The following EXOC6B variants were observed in gnomAD, a reference collection of about 807,000 sequenced individuals.
EXOC6B encodes the protein exocyst complex component 6B, also known as SEC15 homolog B.
Under a neutral mutation model 113.5 loss-of-function variants are expected in EXOC6B, and 54 were observed. The ratio of observed to expected loss-of-function variants is 0.48; its 90% CI spans 0.38 to 0.60. EXOC6B has a LOEUF of 0.60. Among genes scored for constraint, EXOC6B ranks in the 20% least tolerant of loss-of-function variants. The pLI is 0.00. For synonymous variants in EXOC6B, 357 were observed against 339.0 expected (o/e 1.05, Z -0.58); for missense variants, 797 against 977.5 (o/e 0.82, Z 2.46).
At chr2:72,409,609 T>C (rs982181889) in intron 18 of EXOC6B, among the ~76,000 whole-genome samples, 1 of 149,894 alleles carries the variant, frequency 6.7e-6, no homozygotes, top group South Asian at 2.1e-4. Flanking sequence ...CAGCAAACTA[T>C]AGCAAGGACA....
intron 1 of EXOC6B, among the ~76,000 whole-genome samples, chr2:72,756,387 A>T (rs979130252): frequency 2.6e-5 from 4 of 152,184 alleles, no homozygotes; most frequent in Non-Finnish European, 5.9e-5. Flanking sequence ...TTATAACCTA[A>T]TCATGGTTCT....
At chr2:72,558,263 G>A (rs1703679419) in intron 8 of EXOC6B, among the ~76,000 whole-genome samples, 1 of 152,056 alleles carries the variant, frequency 6.6e-6, no homozygotes, top group Non-Finnish European at 1.5e-5. Context: ...ATTGTAGATT[G>A]AGAGAGAGGG....
chr2:72,628,512 C>T (rs533951599), intron 6 of EXOC6B, among the ~76,000 whole-genome samples: 11 of 151,880 alleles, frequency 7.2e-5, no homozygotes, highest in Non-Finnish European at 1.6e-4. Flanking sequence ...TGTTTGTGAC[C>T]CCTAAAATTC....
At chr2:72,483,437 T>C (rs1699221773) in intron 16 of EXOC6B, among the ~76,000 whole-genome samples, 1 of 152,172 alleles carries the variant, frequency 6.6e-6, no homozygotes, top group Non-Finnish European at 1.5e-5. Context: ...AAGAGAAAAT[T>C]ATCCTGTTTT....
intron 18 of EXOC6B, among the ~76,000 whole-genome samples, chr2:72,395,944 G>C (rs1692698950): frequency 6.6e-6 from 1 of 151,984 alleles, no homozygotes. Context: ...ATTGTCCATA[G>C]GTTAAGGGAA....
At position 72,626,269 on chromosome 2, in the gene EXOC6B, G is replaced by A. The variant is rs375596893; in HGVS notation, c.670-50601C>T. 1.6e-4 allele frequency among the ~76,000 whole-genome samples: 24 copies of A among 152,124 alleles called. 2 individuals carry two copies. Among genetic ancestry groups the A allele is most frequent in the African/African-American group, 5.1e-4 (21 of 41,508 alleles). On this transcript the variant is annotated intron_variant, in intron 6 of 21. Coordinates refer to ENST00000272427, the MANE Select transcript of EXOC6B (RefSeq NM_015189.3). The stretch of plus-strand genomic sequence containing the variant: ...TCATCTAGCTGTATTTAATCAAGAA[G>A]AGAAAAAACACTGTCTAACAAGATT...
At chr2:72,629,862 C>T (rs1672280761) in intron 6 of EXOC6B, among the ~76,000 whole-genome samples, 2 of 152,178 alleles carry the variant, frequency 1.3e-5, no homozygotes, top group East Asian at 1.9e-4. Context: ...CATGCCATCC[C>T]CAGAGCCCTG....
rs544776632 is a variant in EXOC6B, at chr2:72,583,870, G to A, written c.670-8202C>T. 3.3e-5 allele frequency among the ~76,000 whole-genome samples: 5 copies of A among 152,080 alleles called. No homozygotes were observed. The South Asian group carries it at 6.2e-4, about 19-fold the overall frequency. ...TGAGTAGCTGGGACTACAGGCGCAC[G>A]CTACCATACCCAGCTAATTTTTTGT... On this transcript the variant is annotated intron_variant, in intron 6 of 21. Coordinates refer to ENST00000272427, the MANE Select transcript of EXOC6B (RefSeq NM_015189.3).
At chr2:72,763,765 GAAGT>G (rs1355884783) in intron 1 of EXOC6B, among the ~76,000 whole-genome samples, 1 of 152,090 alleles carries the variant, frequency 6.6e-6, no homozygotes, top group African/African-American at 2.4e-5. Flanking sequence ...TAATTTTTGA[GAAGT>G]AAGCCCATAT....
chr2:72,530,203 T>C (rs980046882), intron 8 of EXOC6B, among the ~76,000 whole-genome samples: 2 of 152,344 alleles, frequency 1.3e-5, no homozygotes, highest in Middle Eastern at 6.8e-3. Flanking sequence ...TCCTAGGTTT[T>C]AGAGATGTCA....
chr2:72,496,764 A>G (rs941411038), intron 13 of EXOC6B, among the ~76,000 whole-genome samples: 5 of 152,008 alleles, frequency 3.3e-5, no homozygotes, highest in African/African-American at 1.2e-4. Flanking sequence ...GGATTTAAAG[A>G]AGACAAAAAG....
At chr2:72,233,759 C>T (rs755873727) in intron 20 of EXOC6B, among the ~76,000 whole-genome samples, 2 of 152,194 alleles carry the variant, frequency 1.3e-5, no homozygotes, top group Non-Finnish European at 2.9e-5. Flanking sequence ...TCTGGCCTAT[C>T]GGTCCTGCTT....
chr2:72,652,176 C>T (rs750162467), intron 6 of EXOC6B, among the ~76,000 whole-genome samples: 5 of 151,298 alleles, frequency 3.3e-5, no homozygotes, highest in African/African-American at 4.9e-5. Flanking sequence ...TTCCACCCTC[C>T]TCCCCACAAA....
chr2:72,449,891 C>G (rs986177869), intron 18 of EXOC6B, among the ~76,000 whole-genome samples: 2 of 152,176 alleles, frequency 1.3e-5, no homozygotes, highest in African/African-American at 2.4e-5. Flanking sequence ...CCCAGAGAAT[C>G]AGCTATTCTC....
intron 1 of EXOC6B, among the ~76,000 whole-genome samples, chr2:72,810,129 C>T (rs1349307273): frequency 1.3e-5 from 2 of 152,018 alleles, no homozygotes; most frequent in East Asian, 3.8e-4. Flanking sequence ...CTAAACAACA[C>T]TCTTTTAAAT....
chr2:72,699,957 G>C (rs1277190050), intron 6 of EXOC6B, among the ~76,000 whole-genome samples: 1 of 152,074 alleles, frequency 6.6e-6, no homozygotes, highest in African/African-American at 2.4e-5. Flanking sequence ...AGTATCTGTG[G>C]ATGCTCAAGT....
chr2:72,436,426 T>A lies in EXOC6B; in HGVS notation c.1980+28734A>T, dbSNP rs182365344. ...TCTTTGTGGTGTTCTCTGTATTTCC[T>A]GAATTTGAATGCTGGCCTGTCTTGC... On this transcript the variant is annotated intron_variant, in intron 18 of 21. Coordinates refer to ENST00000272427, the MANE Select transcript of EXOC6B (RefSeq NM_015189.3). Among the ~76,000 whole-genome samples the A allele has an allele frequency of 1.3e-3, 194 of 152,340 alleles. 2 individuals carry two copies. The highest frequency in any genetic ancestry group is 4.2e-3 in the African/African-American group (176 of 41,574).
intron 18 of EXOC6B, among the ~76,000 whole-genome samples, chr2:72,449,699 A>G (rs1292776658): frequency 6.6e-6 from 1 of 152,146 alleles, no homozygotes; most frequent in East Asian, 1.9e-4. Context: ...ATGCTTTTAC[A>G]GTTATTATTT....
At chr2:72,469,992 C>A (rs749287160) in intron 17 of EXOC6B, among the ~76,000 whole-genome samples, 29 of 152,094 alleles carry the variant, frequency 1.9e-4, no homozygotes, top group Non-Finnish European at 3.8e-4. Flanking sequence ...GCATTCCTAA[C>A]CTTACTTCAA....
Sources: gnomAD v4.1 joint callset for allele counts (sites outside exome capture counted in the v4.1 genomes callset) on GRCh38, gnomAD v4.1.1 for gene constraint, MANE v1.5 for transcripts, NCBI Gene and HGNC (gene_info 2026-07-23, HGNC 2026-07-21) for gene names.